Variants in EEF1A2 observed in about 807,000 individuals in gnomAD.
The protein encoded by EEF1A2 is elongation factor 1-alpha 2.
Under a neutral mutation model 39.3 loss-of-function variants are expected in EEF1A2, and 5 were observed. The observed-to-expected ratio is 0.13, with a 90% CI of 0.07 to 0.27. The LOEUF is 0.27. Ranked by LOEUF, EEF1A2 falls within the 10% of genes least tolerant of loss-of-function variation. The probability of loss-of-function intolerance (pLI) is 1.00; values close to 1 mark genes in which losing one functional copy is unlikely to be tolerated. For missense variants in EEF1A2, 218 were observed against 681.4 expected, an observed-to-expected ratio of 0.32 and a Z score of 7.57; for synonymous variants, 287 against 293.7, an observed-to-expected ratio of 0.98 and a Z score of 0.23.
chr20:63,495,208 C>T, intron 3 of EEF1A2, 107 bp from the exon 4 acceptor site: 1 of 1,462,552 alleles, frequency 6.8e-7, no homozygotes, highest in Non-Finnish European at 9.1e-7. Flanking sequence ...GGGCTGGGGC[C>T]TGAGCAGCCC....
rs2274861 is a variant in EEF1A2 at position 63,495,051 on chromosome 20, C to A, written c.375G>T (p.Ala125=). The A allele has an allele frequency of 6.2e-7, 1 of 1,612,538 alleles. No individual in the cohort carries two copies. Among genetic ancestry groups the A allele is most frequent in the Non-Finnish European group, 8.5e-7 (1 of 1,179,918 alleles). The part of the protein sequence containing the change: ...IVAAGVGEFE[A]GISKNGQTRE... ...GCGTCTGCCCATTCTTGGAGATGCCCGCCTCGAACTCGCCCACGCCCGCCG... is the reference window on the plus strand; with the variant it reads ...GCGTCTGCCCATTCTTGGAGATGCCAGCCTCGAACTCGCCCACGCCCGCCG... Residue 125 remains alanine (A), a synonymous_variant, in exon 4 of 8, where the codon GCG becomes GCT. Coordinates refer to ENST00000217182, the MANE Select transcript of EEF1A2 (RefSeq NM_001958.5).
chr20:63,494,841 G>C lies in EEF1A2; in HGVS notation c.585C>G (p.Gly195=). Residue 195 remains glycine (G), a synonymous_variant, in exon 4 of 8, where the codon GGC becomes GGG. Coordinates refer to ENST00000217182, the MANE Select transcript of EEF1A2 (RefSeq NM_001958.5). ...GCTCCAGCATGTTGTCACCGTGCCA[G>C]CCGGAGATGGGCACAAAGGGCACGG... The part of the protein sequence containing the change: ...PATVPFVPIS[G]WHGDNMLEPS... 1 of 1,612,328 alleles carries C rather than the reference G, an allele frequency of 6.2e-7. No individual in the cohort carries two copies. Among genetic ancestry groups the C allele is most frequent in the South Asian group, 1.1e-5 (1 of 91,080 alleles).
chr20:63,495,685 T>C (rs1029124912), intron 3 of EEF1A2, among the ~76,000 whole-genome samples, 171 bp downstream of exon 3: 2 of 152,110 alleles, frequency 1.3e-5, no homozygotes, highest in African/African-American at 4.8e-5. Context: ...ACTGGATTCA[T>C]CCTTAGGGGG....
At chr20:63,493,645 T>C (rs910166666) in intron 4 of EEF1A2, among the ~76,000 whole-genome samples, 1 of 152,160 alleles carries the variant, frequency 6.6e-6, no homozygotes, top group Admixed American at 6.5e-5. Flanking sequence ...ACTAGGAGGA[T>C]GCTGAGTCTG....
chr20:63,492,484 G>A (rs2082391408), intron 5 of EEF1A2, among the ~76,000 whole-genome samples: 1 of 151,970 alleles, frequency 6.6e-6, no homozygotes, highest in African/African-American at 2.4e-5. Context: ...ATGGATGGAT[G>A]GATGGATGGA....
rs767439830 is a variant in EEF1A2 at position 63,495,135 on chromosome 20, G to A, written c.325-34C>T. The A allele has an allele frequency of 5.1e-5, 82 of 1,594,324 alleles. No homozygotes were observed. The East Asian group carries it at 8.1e-4, about 16-fold the overall frequency. Reference sequence around the variant, plus strand: ...CAGGGGACACAGTGAGCCCTGCCCCGCCTGCCTGGCAGGGGACAGAGCGAG... The same window carrying A: ...CAGGGGACACAGTGAGCCCTGCCCCACCTGCCTGGCAGGGGACAGAGCGAG... On this transcript the variant is annotated intron_variant, in intron 3 of 7. Transcript: ENST00000217182.
At position 63,498,734 on chromosome 20, in the gene EEF1A2, C is replaced by G. The variant is rs1259820710; in HGVS notation, c.-72+324G>C. ...GGGTGGGGGTGGGGAGGCCAGGGCC[C>G]CCAGATCTCACCACCTCCCTCAGCG... On this transcript the variant is annotated intron_variant, in intron 1 of 7. Transcript: ENST00000217182. The surrounding 1 kb of genome is among the most constrained non-coding windows in gnomAD (Gnocchi z 4.1). The G allele has an allele frequency of 6.6e-6, 1 of 152,080 alleles. No individual in the cohort carries two copies. The highest frequency in any genetic ancestry group is 1.5e-5 in the Non-Finnish European group (1 of 68,004). The allele number at this position is 152,080 out of a possible 1,614,324, so 9.4% of individuals were successfully genotyped here. A position where few individuals can be genotyped will look rare whatever the true frequency, so the allele number is the denominator to read the frequency against.
chr20:63,496,543 C>T (rs1353420847), intron 2 of EEF1A2: 2 of 154,988 alleles, frequency 1.3e-5, no homozygotes, highest in African/African-American at 2.4e-5. Context: ...TCCCGCTGCT[C>T]CAGCCTCCCC....
At chr20:63,493,087 G>A (rs1233735503) in intron 5 of EEF1A2, 50 bp downstream of exon 5, 1 of 1,532,688 alleles carries the variant, frequency 6.5e-7, no homozygotes, top group African/African-American at 1.4e-5. Context: ...CCTGGTCTAG[G>A]GCAGGCAGAG....
In EEF1A2 at chr20:63,497,469, G is replaced by C; in HGVS notation, c.144+151C>G. On this transcript the variant is annotated intron_variant, in intron 2 of 7. Coordinates refer to ENST00000217182, the MANE Select transcript of EEF1A2 (RefSeq NM_001958.5). The surrounding 1 kb of genome is among the most constrained non-coding windows in gnomAD (Gnocchi z 7.3). The stretch of plus-strand genomic sequence containing the variant: ...GAGAGGCTGCCCCACCAGACCCTCT[G>C]AGGCCTGAGTGCCCCACAGCGGGGG... 1 of 1,275,250 alleles carries C rather than the reference G, an allele frequency of 7.8e-7. No individual in the cohort carries two copies. The highest frequency in any genetic ancestry group is 1.1e-6 in the Non-Finnish European group (1 of 940,770). 79.0% of individuals were successfully genotyped at this position (1,275,250 alleles called of 1,614,324 possible).
intron 5 of EEF1A2, among the ~76,000 whole-genome samples, chr20:63,492,090 A>G (rs1433675515): frequency 1.6e-5 from 2 of 125,584 alleles, no homozygotes; most frequent in Non-Finnish European, 3.3e-5. Context: ...AGAGAGGTGG[A>G]TGGGTGGATG....
chr20:63,489,906 A>T (rs375690403), intron 6 of EEF1A2, among the ~76,000 whole-genome samples: 33 of 152,372 alleles, frequency 2.2e-4, no homozygotes, highest in African/African-American at 7.7e-4. Flanking sequence ...TCTAGGACGA[A>T]TGTAGGACCT....
At chr20:63,493,729 G>A (rs2750399) in intron 4 of EEF1A2, among the ~76,000 whole-genome samples, 44,277 of 152,232 alleles carry the variant, frequency 0.29, 7,989 homozygotes, top group South Asian at 0.49. Flanking sequence ...TGCTGCCTCC[G>A]AGCTTGGCCC....
intron 5 of EEF1A2, among the ~76,000 whole-genome samples, chr20:63,492,644 CAATG>C (rs1220041206): frequency 1.8e-3 from 30 of 16,792 alleles, no homozygotes; most frequent in African/African-American, 5.1e-3. Flanking sequence ...GTGGGACAAT[CAATG>C]GATGGATGGA....
chr20:63,497,535 T>G lies in EEF1A2; in HGVS notation c.144+85A>C. 6.5e-7 allele frequency: 1 copy of G among 1,540,710 alleles called. No homozygotes were observed. The highest frequency in any genetic ancestry group is 8.8e-7 in the Non-Finnish European group (1 of 1,142,020). On this transcript the variant is annotated intron_variant, in intron 2 of 7. Coordinates refer to ENST00000217182, the MANE Select transcript of EEF1A2 (RefSeq NM_001958.5). The surrounding 1 kb of genome is among the most constrained non-coding windows in gnomAD (Gnocchi z 7.3). Reference sequence around the variant, plus strand: ...AGGAGGTCACCTGAGCCCCATGCCCTGGGGCTGGGAGATGCCAAGCCTGGC... The same window carrying G: ...AGGAGGTCACCTGAGCCCCATGCCCGGGGGCTGGGAGATGCCAAGCCTGGC...
chr20:63,493,106 G>T lies in EEF1A2; in HGVS notation c.772+31C>A, dbSNP rs12480745. The T allele has an allele frequency of 0.26, 401,482 of 1,540,118 alleles. 56,033 individuals carry two copies. Among genetic ancestry groups the T allele is most frequent in the Admixed American group, 0.37 (18,799 of 50,266 alleles). On this transcript the variant is annotated intron_variant, in intron 5 of 7. Transcript: ENST00000217182. ...GTCTAGGGCAGGCAGAGCTGGCCAGGCAGGAGCTCCAGCACAGCGCCCTTG... is the reference window on the plus strand; with the variant it reads ...GTCTAGGGCAGGCAGAGCTGGCCAGTCAGGAGCTCCAGCACAGCGCCCTTG...
At chr20:63,491,510 T>C (rs2082378543) in intron 5 of EEF1A2, among the ~76,000 whole-genome samples, 1 of 152,178 alleles carries the variant, frequency 6.6e-6, no homozygotes, top group Admixed American at 6.5e-5. Context: ...GCCCCCACAG[T>C]GCACACAGAG....
rs2082414527 is a variant in EEF1A2 at position 63,495,970 on chromosome 20, G to A, written c.210C>T (p.Gly70=). Residue 70 remains glycine, a synonymous_variant, in exon 3 of 8, where the codon GGC becomes GGT. Coordinates refer to ENST00000217182, the MANE Select transcript of EEF1A2 (RefSeq NM_001958.5). ...TCCAGAGGGAGATGTCGATGGTGAT[G>A]CCGCGCTCACGCTCCGCCTTCAGCT... ...LDKLKAERER[G]ITIDISLWKF... 6.2e-7 allele frequency: 1 copy of A among 1,613,226 alleles called. No individual in the cohort carries two copies. The highest frequency in any genetic ancestry group is 1.1e-5 in the South Asian group (1 of 91,084).
chr20:63,493,423 C>G (rs894913758), intron 4 of EEF1A2, 136 bp from the exon 5 acceptor site: 19 of 1,004,504 alleles, frequency 1.9e-5, no homozygotes, highest in Non-Finnish European at 2.4e-5. Context: ...AGGAATTTCC[C>G]CACCCTGCTC....
Sources: gnomAD v4.1 joint callset for allele counts (sites outside exome capture counted in the v4.1 genomes callset) on GRCh38, gnomAD v4.1.1 for gene constraint, Gnocchi (gnomAD v3.1) non-coding constraint, MANE v1.5 for transcripts, NCBI Gene and HGNC (gene_info 2026-07-23, HGNC 2026-07-21) for gene names.